Variants in ANO2 observed in about 807,000 individuals in gnomAD.
The protein encoded by ANO2 is anoctamin-2.
In ANO2, 101 loss-of-function variants were observed where a neutral mutation model predicts 124.2. The ratio of observed to expected loss-of-function variants is 0.81; its 90% confidence interval spans 0.69 to 0.96. The LOEUF is 0.96. ANO2 is among the 40% of genes least tolerant of loss of function. The pLI, the probability that ANO2 is intolerant of heterozygous loss-of-function variation, is 0.00. For synonymous variants in ANO2, 486 were observed against 482.5 expected (o/e 1.01, Z -0.09); for missense variants, 1,293 against 1,274.5 (o/e 1.01, Z -0.22).
intron 15 of ANO2, among the ~76,000 whole-genome samples, chr12:5,637,940 A>G (rs979873731): frequency 3.3e-5 from 5 of 152,190 alleles, no homozygotes; most frequent in African/African-American, 7.2e-5. Context: ...AGAAACGGGC[A>G]TGGAAAAGTG....
chr12:5,813,575 A>G (rs946122737), intron 7 of ANO2, among the ~76,000 whole-genome samples: 3 of 152,214 alleles, frequency 2.0e-5, no homozygotes, highest in Non-Finnish European at 4.4e-5. Context: ...AAGAATTGCT[A>G]TAGGAGTACA....
Position 5,923,128 on chromosome 12 carries a change from CCACATACACA to C in ANO2, c.23-334_23-325del, listed in dbSNP as rs1345361028. Among the ~76,000 whole-genome samples, 10 of 23,416 alleles carry C rather than the reference CCACATACACA, an allele frequency of 4.3e-4. 1 individual carries two copies. Among genetic ancestry groups the C allele is most frequent in the African/African-American group, 9.5e-4 (10 of 10,560 alleles). The allele number at this position is 23,416 out of a possible 152,430, so 15.4% of individuals were successfully genotyped here. A position where few individuals can be genotyped will look rare whatever the true frequency, so the allele number is the denominator to read the frequency against. On this transcript the variant is annotated intron_variant, in intron 1 of 24. Transcript: ENST00000682330. ...TACACACACATGCACGCACACACACCCACATACACACACATGCACACATACACACACGCAT... is the reference window on the plus strand; with the variant it reads ...TACACACACATGCACGCACACACACCCACATGCACACATACACACACGCAT...
intron 19 of ANO2, among the ~76,000 whole-genome samples, chr12:5,610,861 A>ACACACACACAC (rs1565472341): frequency 4.7e-4 from 39 of 82,226 alleles, no homozygotes; most frequent in African/African-American, 9.4e-4. Context: ...CACACACACA[A>ACACACACACAC]CCCTAAGGGA....
chr12:5,805,190 T>G (rs1485093276), intron 9 of ANO2, among the ~76,000 whole-genome samples: 1 of 152,130 alleles, frequency 6.6e-6, no homozygotes, highest in Non-Finnish European at 1.5e-5. Flanking sequence ...ACTTAACACT[T>G]CATAACAGGG....
intron 3 of ANO2, among the ~76,000 whole-genome samples, chr12:5,913,069 C>A (rs767707955): frequency 1.3e-5 from 2 of 152,174 alleles, no homozygotes; most frequent in Non-Finnish European, 2.9e-5. Context: ...ATACACCACG[C>A]CCCGATCCAG....
chr12:5,686,912 T>C (rs1948734776), intron 14 of ANO2, among the ~76,000 whole-genome samples: 1 of 152,188 alleles, frequency 6.6e-6, no homozygotes, highest in Non-Finnish European at 1.5e-5. Context: ...TCTGGAAACC[T>C]GGGTAGGTTT....
chr12:5,714,301 T>C (rs1288683282), intron 14 of ANO2, among the ~76,000 whole-genome samples: 2 of 152,204 alleles, frequency 1.3e-5, no homozygotes, highest in African/African-American at 4.8e-5. Flanking sequence ...ATGGAATGCG[T>C]TCCCCTTCCT....
At chr12:5,915,734 G>A (rs1270822801) in intron 3 of ANO2, among the ~76,000 whole-genome samples, 8 of 152,182 alleles carry the variant, frequency 5.3e-5, no homozygotes, top group Admixed American at 1.3e-4. Context: ...CCAAGGCCAA[G>A]CATCTTAACA....
At chr12:5,761,051 C>A in intron 10 of ANO2, among the ~76,000 whole-genome samples, 1 of 116,702 alleles carries the variant, frequency 8.6e-6, no homozygotes, top group African/African-American at 3.2e-5. Flanking sequence ...ATTTTGGACC[C>A]CCACAGCAAA....
At chr12:5,827,906 G>T in intron 6 of ANO2, 86 bp from the exon 7 acceptor site, 1 of 1,466,120 alleles carries the variant, frequency 6.8e-7, no homozygotes, top group African/African-American at 1.4e-5. Context: ...CCTGGCAGGG[G>T]CGGGAGGCGC....
chr12:5,594,588 C>G (rs1001100518), intron 20 of ANO2, among the ~76,000 whole-genome samples: 7 of 152,172 alleles, frequency 4.6e-5, no homozygotes, highest in African/African-American at 7.2e-5. Flanking sequence ...GTAATCCCAG[C>G]AATTTCAGAG....
At chr12:5,606,821 T>G (rs1299933627) in intron 19 of ANO2, among the ~76,000 whole-genome samples, 1 of 152,114 alleles carries the variant, frequency 6.6e-6, no homozygotes, top group Non-Finnish European at 1.5e-5. Flanking sequence ...CTAATGAGAA[T>G]GTTGCACCCT....
intron 10 of ANO2, among the ~76,000 whole-genome samples, chr12:5,759,928 G>A (rs992065556): frequency 4.6e-5 from 7 of 151,552 alleles, no homozygotes; most frequent in Non-Finnish European, 2.9e-5. Flanking sequence ...AAGATCTTTG[G>A]GCAAAAGGAA....
At chr12:5,580,331 ATTC>A (rs1428547932) in intron 20 of ANO2, among the ~76,000 whole-genome samples, 1 of 149,778 alleles carries the variant, frequency 6.7e-6, no homozygotes, top group Non-Finnish European at 1.5e-5. Flanking sequence ...GTGTAATTTT[ATTC>A]TTATTGGAAT....
At chr12:5,887,611 T>G (rs1939023187) in intron 3 of ANO2, among the ~76,000 whole-genome samples, 1 of 152,174 alleles carries the variant, frequency 6.6e-6, no homozygotes, top group Non-Finnish European at 1.5e-5. Flanking sequence ...CCAACTAATG[T>G]TTTCAGACAT....
chr12:5,771,252 G>A (rs1287839584), intron 10 of ANO2, among the ~76,000 whole-genome samples: 1 of 152,146 alleles, frequency 6.6e-6, no homozygotes, highest in Non-Finnish European at 1.5e-5. Context: ...TCCCTGTTCT[G>A]TGCATGAGGC....
At chr12:5,865,294 C>T (rs1205377778) in intron 3 of ANO2, among the ~76,000 whole-genome samples, 4 of 151,546 alleles carry the variant, frequency 2.6e-5, no homozygotes, top group Non-Finnish European at 5.9e-5. Context: ...TGCCATCACA[C>T]CATCATGCCA....
intron 14 of ANO2, among the ~76,000 whole-genome samples, chr12:5,650,046 G>T (rs758106110): frequency 3.9e-5 from 6 of 152,186 alleles, no homozygotes; most frequent in Non-Finnish European, 7.3e-5. Flanking sequence ...ATTCTGAAGA[G>T]AAATTTGAGG....
At chr12:5,774,281 C>T (rs940383212) in intron 10 of ANO2, among the ~76,000 whole-genome samples, 1 of 151,974 alleles carries the variant, frequency 6.6e-6, no homozygotes, top group Non-Finnish European at 1.5e-5. Flanking sequence ...ATTGCAAAAC[C>T]CCACGTCAAC....
Sources: gnomAD v4.1 joint callset for allele counts (sites outside exome capture counted in the v4.1 genomes callset) on GRCh38, gnomAD v4.1.1 for gene constraint, MANE v1.5 for transcripts, NCBI Gene and HGNC (gene_info 2026-07-23, HGNC 2026-07-21) for gene names.